Variants in MADD observed in about 807,000 individuals in gnomAD.
MADD encodes the protein MAP kinase-activating death domain protein.
A neutral mutation model predicts 176.7 loss-of-function variants in MADD; 109 were observed. The observed-to-expected ratio is 0.62, with a 90% CI of 0.53 to 0.72. MADD has a LOEUF of 0.72. Ranked by LOEUF, MADD falls within the 30% of genes least tolerant of loss-of-function variation. The pLI, the probability that MADD is intolerant of heterozygous loss-of-function variation, is 0.00. For missense variants in MADD, 1,914 were observed against 2,045.5 expected (o/e 0.94, Z 1.24); for synonymous variants, 771 against 771.3 (o/e 1.00, Z 0.01).
chr11:47,319,827 C>T (rs2094046821), intron 27 of MADD, among the ~76,000 whole-genome samples: 1 of 151,828 alleles, frequency 6.6e-6, no homozygotes, highest in Admixed American at 6.6e-5. Context: ...CCTGTTTCTA[C>T]TAAAAATACA....
exon 12 of MADD, chr11:47,284,558 C>G (rs894529291): frequency 1.2e-6 from 2 of 1,613,732 alleles, no homozygotes; most frequent in Non-Finnish European, 1.7e-6. Flanking sequence ...ATCCACGGAG[C>G]CAACTCTGTA....
rs79918782 is a variant in MADD at position 47,323,397 on chromosome 11, C to CA, written c.4198-260dup. Among the ~76,000 whole-genome samples, 463 of 128,516 alleles carry CA rather than the reference C, an allele frequency of 3.6e-3. 3 individuals are homozygous for CA. The highest frequency in any genetic ancestry group is 9.8e-3 in the African/African-American group (343 of 35,012). The allele number at this position is 128,516 out of a possible 152,430, so 84.3% of individuals were successfully genotyped here. On this transcript the variant is annotated intron_variant, in intron 27 of 32. Coordinates refer to ENST00000402192, the Ensembl canonical transcript of MADD. ...TGGGGTACAAAGTGAGACCCTGTCT[C>CA]AAAAAAAAAAAAAAGAGGTAATAAA...
chr11:47,301,178 T>C (rs1469688292), intron 22 of MADD, among the ~76,000 whole-genome samples: 1 of 152,142 alleles, frequency 6.6e-6, no homozygotes, highest in African/African-American at 2.4e-5. Flanking sequence ...AGTGGTGCAA[T>C]CTTGGCTCAC....
At position 47,297,862 on chromosome 11, in the gene MADD, C is replaced by T. The variant is rs143978074; in HGVS notation, c.3642+1807C>T. 8.9e-3 allele frequency among the ~76,000 whole-genome samples: 1,302 copies of T among 146,420 alleles called. 20 individuals are homozygous for T. The highest frequency in any genetic ancestry group is 0.031 in the African/African-American group (1,213 of 38,572). Reference sequence around the variant, plus strand: ...GGAGTGCAGTGGCGCGATCTCTGCTCACTGCAATCTCCACCTCCCAGGTTC... The same window carrying T: ...GGAGTGCAGTGGCGCGATCTCTGCTTACTGCAATCTCCACCTCCCAGGTTC... On this transcript the variant is annotated intron_variant, in intron 22 of 32. Transcript: ENST00000402192.
chr11:47,327,609 C>T (rs1428103886), intron 31 of MADD: 3 of 985,338 alleles, frequency 3.0e-6, no homozygotes, highest in Non-Finnish European at 3.6e-6. Flanking sequence ...CACCGGCTCA[C>T]TGGACTTTCC....
chr11:47,276,016 A>C (rs1591721586), exon 4 of MADD: 1 of 1,614,106 alleles, frequency 6.2e-7, no homozygotes. Flanking sequence ...GCTCCCCAGT[A>C]CCCGTCTCTG....
intron 1 of MADD, among the ~76,000 whole-genome samples, chr11:47,272,636 G>A (rs567740756): frequency 2.0e-5 from 3 of 152,282 alleles, no homozygotes; most frequent in South Asian, 2.1e-4. Flanking sequence ...GCTGTGCAGC[G>A]GGGTGAAACG....
At chr11:47,278,217 T>G in exon 6 of MADD, 2 of 1,614,164 alleles carry the variant, frequency 1.2e-6, no homozygotes, top group Non-Finnish European at 1.7e-6. Context: ...AGCTTCTTCC[T>G]CTACAAACTG....
At chr11:47,278,685 C>G (rs1002984840) in intron 6 of MADD, among the ~76,000 whole-genome samples, 1 of 151,942 alleles carries the variant, frequency 6.6e-6, no homozygotes, top group Non-Finnish European at 1.5e-5. Flanking sequence ...TACATTCAGA[C>G]TTTGGTGGGA....
exon 9 of MADD, chr11:47,282,448 C>A (rs1204341349): frequency 6.2e-7 from 1 of 1,614,216 alleles, no homozygotes; most frequent in Non-Finnish European, 8.5e-7. Flanking sequence ...CACGCGTACC[C>A]TGCGCCTCTT....
intron 28 of MADD, 61 bp downstream of exon 31, chr11:47,323,896 C>CT: frequency 6.4e-7 from 1 of 1,560,004 alleles, no homozygotes; most frequent in South Asian, 1.1e-5. Context: ...TAGTGAATTT[C>CT]TCTTTGGGAA....
chr11:47,281,601 C>T, exon 8 of MADD: 1 of 1,611,954 alleles, frequency 6.2e-7, no homozygotes, highest in Non-Finnish European at 8.5e-7. Flanking sequence ...GTCTCAACAC[C>T]CAGCCCATCC....
chr11:47,279,572 G>A (rs1053017297), intron 7 of MADD, among the ~76,000 whole-genome samples: 5 of 151,468 alleles, frequency 3.3e-5, no homozygotes, highest in African/African-American at 9.7e-5. Context: ...GTAGAGACGG[G>A]GTTTTGCCAT....
intron 25 of MADD, among the ~76,000 whole-genome samples, chr11:47,310,907 CA>C (rs34331746): frequency 0.6 from 78,250 of 130,846 alleles, 23,158 homozygotes; most frequent in Middle Eastern, 0.75. Flanking sequence ...AAATCCATCT[CA>C]AAAAAAAAAA....
At chr11:47,315,302 C>G (rs372192268) in exon 27 of MADD, 2 of 1,613,116 alleles carry the variant, frequency 1.2e-6, no homozygotes, top group Non-Finnish European at 1.7e-6. Context: ...GGGACAGATA[C>G]AAACGGAGAT....
chr11:47,274,072 C>T (rs552431492), intron 2 of MADD, 96 bp downstream of exon 2: 1 of 1,138,648 alleles, frequency 8.8e-7, no homozygotes, highest in Non-Finnish European at 1.3e-6. Context: ...CTTTGCATAG[C>T]TCATCTTCTC....
At chr11:47,320,449 C>T (rs1343714112) in intron 27 of MADD, among the ~76,000 whole-genome samples, 5 of 149,676 alleles carry the variant, frequency 3.3e-5, no homozygotes, top group African/African-American at 1.2e-4. Context: ...AGCAAGACTC[C>T]GTCTCAAAAA....
chr11:47,276,615 A>C, intron 4 of MADD, 117 bp from the exon 5 acceptor site: 1 of 1,284,874 alleles, frequency 7.8e-7, no homozygotes, highest in Non-Finnish European at 1.1e-6. Context: ...AGTGGGAGAG[A>C]CAAAGCTGGA....
Position 47,273,975 on chromosome 11 carries a change from A to G in MADD, c.61A>G (p.Arg21Gly). The G allele has an allele frequency of 1.9e-6, 3 of 1,613,960 alleles. No individual in the cohort carries two copies. The highest frequency in any genetic ancestry group is 1.1e-5 in the South Asian group (1 of 91,052). ...TGACTATCTAGTGATCGTAGGGGCC[A>G]GGTAACCAAGAAGAGATTGACTTTT... Residue 21 changes from arginine (R) to glycine (G), a missense_variant and splice_region_variant, in exon 2 of 33, where the codon AGG (arginine) becomes GGG (glycine). By Grantham distance (125) the Arg-to-Gly change is moderately radical (BLOSUM62 -2). Around this residue, in one of 2 missense-constraint regions of MADD, gnomAD observed 1,767 missense variants for 1,836.0 expected, o/e 0.96. Transcript: ENST00000402192.
Sources: allele counts gnomAD v4.1 joint callset (sites outside exome capture counted in the v4.1 genomes callset), GRCh38; gene constraint gnomAD v4.1.1; regional missense constraint gnomAD v4.1.1; transcripts MANE v1.5; gene names NCBI Gene and HGNC (gene_info 2026-07-23, HGNC 2026-07-21).